The following MUC20 variants were observed in gnomAD, a reference collection of about 807,000 sequenced individuals.
MUC20 encodes the protein mucin 20, cell surface associated, also known as mucin-20.
A neutral mutation model predicts 23.8 loss-of-function variants in MUC20; 14 were observed. That is an observed-to-expected ratio of 0.59 (90% CI 0.39 to 0.92). The LOEUF is 0.92. Ranked by LOEUF, MUC20 falls within the 40% of genes least tolerant of loss-of-function variation. MUC20 has a pLI of 0.00. For missense variants in MUC20, 375 were observed against 668.8 expected (o/e 0.56, Z 4.85); for synonymous variants, 166 against 279.3 (o/e 0.59, Z 4.04).
intron 3 of MUC20, among the ~76,000 whole-genome samples, chr3:195,730,852 T>C (rs1375411008): frequency 1.3e-5 from 2 of 152,230 alleles, no homozygotes; most frequent in African/African-American, 4.8e-5. Flanking sequence ...GTTGGGAAAA[T>C]TCTCCTAAAA....
chr3:195,729,682 T>G lies in MUC20; in HGVS notation c.2004T>G (p.Ser668Arg). 6.3e-7 allele frequency: 1 copy of G among 1,596,224 alleles called. No homozygotes were observed. Among genetic ancestry groups the G allele is most frequent in the Non-Finnish European group, 8.5e-7 (1 of 1,170,504 alleles). The part of the protein sequence containing the change: ...ENGGFLLLRL[S>R]VASPEDLTDP... ...GAGGTTTCCTCCTCCTGCGGCTGAGTGTGGCTTCCCCGGAAGACCTCACTG... is the reference window on the plus strand; with the variant it reads ...GAGGTTTCCTCCTCCTGCGGCTGAGGGTGGCTTCCCCGGAAGACCTCACTG... Residue 668 changes from serine to arginine, a missense_variant, in exon 3 of 4, where the codon AGT (serine) becomes AGG (arginine). Ser to Arg is a moderately radical substitution (Grantham distance 110, BLOSUM62 -1). Around this residue, in one of 4 missense-constraint regions of MUC20, gnomAD observed 343 missense variants for 340.2 expected, o/e 1.01. Transcript: ENST00000447234.
At chr3:195,730,477 C>T (rs1283772513) in intron 3 of MUC20, among the ~76,000 whole-genome samples, 1 of 152,160 alleles carries the variant, frequency 6.6e-6, no homozygotes, top group Non-Finnish European at 1.5e-5. Flanking sequence ...TCCCAAGTAG[C>T]TGGGACTACA....
At chr3:195,732,761 C>T (rs919973252) in intron 3 of MUC20, among the ~76,000 whole-genome samples, 10 of 152,340 alleles carry the variant, frequency 6.6e-5, no homozygotes, top group African/African-American at 2.2e-4. Flanking sequence ...GCAGCTGAGG[C>T]GCAGGCACCA....
At position 195,725,761 on chromosome 3, in the gene MUC20, C is replaced by T. The variant is rs202105114; in HGVS notation, c.1158C>T (p.Ser386=). The T allele has an allele frequency of 2.2e-3, 3,086 of 1,393,264 alleles. No homozygotes were observed. The highest frequency in any genetic ancestry group is 2.8e-3 in the South Asian group (226 of 82,054). 86.3% of individuals were successfully genotyped at this position (1,393,264 alleles called of 1,614,324 possible). Residue 386 remains serine (S), a synonymous_variant, in exon 2 of 4, where the codon AGC becomes AGT. Transcript: ENST00000447234. The part of the protein sequence containing the change: ...VITPSRASES[S]ASSDGPHPVI... Reference sequence around the variant, plus strand: ...CCCCGTCACGGGCCTCAGAGAGCAGCGCCTCTTCCGACGGCCCCCATCCAG... The same window carrying T: ...CCCCGTCACGGGCCTCAGAGAGCAGTGCCTCTTCCGACGGCCCCCATCCAG...
intron 2 of MUC20, chr3:195,729,352 T>C (rs1284209558): frequency 3.2e-6 from 1 of 312,090 alleles, no homozygotes; most frequent in Non-Finnish European, 5.9e-6. Flanking sequence ...GTTTCGCTCT[T>C]GTTGCCCAGG....
intron 2 of MUC20, among the ~76,000 whole-genome samples, chr3:195,727,581 C>A (rs1712830541): frequency 6.6e-6 from 1 of 152,294 alleles, no homozygotes; most frequent in African/African-American, 2.4e-5. Flanking sequence ...AGCTTGTTAC[C>A]ACCTTTCTGG....
rs1277094305 is a variant in MUC20, at chr3:195,726,152, A to T, written c.1549A>T (p.Thr517Ser). Residue 517 changes from threonine to serine, a missense_variant, in exon 2 of 4, where the codon ACC becomes TCC. Physicochemically the swap from Thr to Ser is moderately conservative, Grantham distance 58. Coordinates refer to ENST00000447234, the MANE Select transcript of MUC20 (RefSeq NM_001282506.2). Reference protein sequence around the residue: ...EREVTAPGATTLSGALVTVSR... With the variant: ...EREVTAPGATSLSGALVTVSR... ...AGAAGTGACAGCACCCGGGGCCACG[A>T]CCCTCAGTGGAGCTCTGGTCACAGT... 6.2e-7 allele frequency: 1 copy of T among 1,609,028 alleles called. No individual in the cohort carries two copies. The highest frequency in any genetic ancestry group is 1.7e-5 in the Admixed American group (1 of 59,818).
chr3:195,733,392 G>A lies in MUC20; in HGVS notation c.*174G>A, dbSNP rs752143879. 166 of 1,460,386 alleles carry A rather than the reference G, an allele frequency of 1.1e-4. No individual in the cohort carries two copies. Among genetic ancestry groups the A allele is most frequent in the Non-Finnish European group, 1.4e-4 (152 of 1,107,564 alleles). 90.5% of individuals were successfully genotyped at this position (1,460,386 alleles called of 1,614,324 possible). A position where few individuals can be genotyped will look rare whatever the true frequency, so the allele number is the denominator to read the frequency against. On this transcript the variant is annotated 3_prime_UTR_variant, in exon 4 of 4. Coordinates refer to ENST00000447234, the MANE Select transcript of MUC20 (RefSeq NM_001282506.2). Reference sequence around the variant, plus strand: ...CCCCAGATGTGGCAACAGGACCCTCGCTCACATCCACCGGAGTGTATGTGT... The same window carrying A: ...CCCCAGATGTGGCAACAGGACCCTCACTCACATCCACCGGAGTGTATGTGT...
Position 195,726,682 on chromosome 3 carries a change from C to G in MUC20, c.1969+110C>G, listed in dbSNP as rs1712721562. ...GAAGGATCTGGAGCCTACTCAGAGC[C>G]TGCTCCTGATGTTGCCTCTTCGTGA... On this transcript the variant is annotated intron_variant, in intron 2 of 3. Transcript: ENST00000447234. 47 of 1,288,702 alleles carry G rather than the reference C, an allele frequency of 3.6e-5. No homozygotes were observed. The South Asian group carries it at 6.6e-4, about 18-fold the overall frequency. 79.8% of individuals were successfully genotyped at this position (1,288,702 alleles called of 1,614,324 possible).
chr3:195,727,632 C>T (rs1487316090), intron 2 of MUC20, among the ~76,000 whole-genome samples: 1 of 152,290 alleles, frequency 6.6e-6, no homozygotes, highest in Non-Finnish European at 1.5e-5. Flanking sequence ...CCACTCAATA[C>T]ATAAAGATAT....
In MUC20 at chr3:195,726,146, GC is replaced by G. The variant is rs144288174; in HGVS notation, c.1545del (p.Thr516ArgfsTer39). 227,921 of 1,594,676 alleles carry G rather than the reference GC, an allele frequency of 0.14. 3,517 individuals carry two copies. The highest frequency in any genetic ancestry group is 0.18 in the Middle Eastern group (1,100 of 5,978). ...ATEREVTAPGATTLSGALVTV... is the reference protein window; with the variant it reads ...ATEREVTAPGXTTLSGALVTV... ...AGAAAGAGAAGTGACAGCACCCGGG[GC>G]CACGACCCTCAGTGGAGCTCTGGTC... On this transcript the variant is annotated frameshift_variant, in exon 2 of 4. Coordinates refer to ENST00000447234, the MANE Select transcript of MUC20 (RefSeq NM_001282506.2). LOFTEE classifies it high-confidence loss of function.
intron 2 of MUC20, among the ~76,000 whole-genome samples, chr3:195,728,418 T>C (rs138600780): frequency 0.011 from 1,742 of 152,062 alleles, 10 homozygotes; most frequent in African/African-American, 0.04. Context: ...TATGCCTGGA[T>C]GTGCACGTAG....
chr3:195,726,216 T>C lies in MUC20; in HGVS notation c.1613T>C (p.Val538Ala), dbSNP rs777310652. The C allele has an allele frequency of 1.9e-6, 3 of 1,613,112 alleles. No homozygotes were observed. In the South Asian group the frequency reaches 3.3e-5, roughly 18 times the overall value. Residue 538 changes from valine (V) to alanine (A), a missense_variant, in exon 2 of 4, where the codon GTT (valine) becomes GCT (alanine). Coordinates refer to ENST00000447234, the MANE Select transcript of MUC20 (RefSeq NM_001282506.2). ...CTTGAAGAAACCTCAGCCCTCTCTGTTGAGACACCAAGTTACGTCAAAGTC... is the reference window on the plus strand; with the variant it reads ...CTTGAAGAAACCTCAGCCCTCTCTGCTGAGACACCAAGTTACGTCAAAGTC... ...NPLEETSALS[V>A]ETPSYVKVSG...
At chr3:195,727,838 CAT>C (rs1435316181) in intron 2 of MUC20, among the ~76,000 whole-genome samples, 1 of 139,582 alleles carries the variant, frequency 7.2e-6, no homozygotes, top group Admixed American at 6.8e-5. Context: ...ACCGGCTTTG[CAT>C]ATGTTATCTG....
chr3:195,728,925 T>G (rs774124185), intron 2 of MUC20, among the ~76,000 whole-genome samples: 12 of 152,366 alleles, frequency 7.9e-5, no homozygotes, highest in South Asian at 4.1e-4. Flanking sequence ...CCTTAAACCT[T>G]GATTTTATAC....
chr3:195,732,216 GGCC>G (rs1713464682), intron 3 of MUC20, among the ~76,000 whole-genome samples: 1 of 152,014 alleles, frequency 6.6e-6, no homozygotes, highest in African/African-American at 2.4e-5. Flanking sequence ...TCAGCATCTT[GGCC>G]AGGCTAGTCT....
chr3:195,729,966 A>C (rs1862), intron 3 of MUC20: 4 of 571,814 alleles, frequency 7.0e-6, no homozygotes, highest in Non-Finnish European at 1.2e-5. Context: ...TGTGACTCCT[A>C]GAGCCCCCAG....
At chr3:195,731,775 C>T (rs1399840488) in intron 3 of MUC20, among the ~76,000 whole-genome samples, 2 of 152,270 alleles carry the variant, frequency 1.3e-5, no homozygotes, top group Non-Finnish European at 2.9e-5. Flanking sequence ...AGCCAGGTGC[C>T]AGGGGACGGG....
rs1429152489 is a variant in MUC20 at position 195,733,542 on chromosome 3, G to C, written c.*324G>C. The C allele has an allele frequency of 4.6e-6, 6 of 1,308,280 alleles. No individual in the cohort carries two copies. The African/African-American group carries it at 7.4e-5, about 16-fold the overall frequency. 81.0% of individuals were successfully genotyped at this position (1,308,280 alleles called of 1,614,324 possible). A position where few individuals can be genotyped will look rare whatever the true frequency, so the allele number is the denominator to read the frequency against. ...TCCATCCTGCATTAAAATTCACTCAGTGTGGCCCAGAGGCTGTCTATTGAT... is the reference window on the plus strand; with the variant it reads ...TCCATCCTGCATTAAAATTCACTCACTGTGGCCCAGAGGCTGTCTATTGAT... On this transcript the variant is annotated 3_prime_UTR_variant, in exon 4 of 4. Coordinates refer to ENST00000447234, the MANE Select transcript of MUC20 (RefSeq NM_001282506.2).
Sources: gnomAD v4.1 joint callset for allele counts (sites outside exome capture counted in the v4.1 genomes callset) on GRCh38, gnomAD v4.1.1 for gene constraint, gnomAD v4.1.1 regional missense constraint, MANE v1.5 for transcripts, NCBI Gene and HGNC (gene_info 2026-07-23, HGNC 2026-07-21) for gene names.